Variants in TNPO2 observed in about 807,000 individuals in gnomAD.
TNPO2 encodes the protein transportin 2, also known as transportin-2.
Under a neutral mutation model 111.1 loss-of-function variants are expected in TNPO2, and 16 were observed. That is an observed-to-expected ratio of 0.14 (90% CI 0.10 to 0.22). TNPO2 has a LOEUF of 0.22. TNPO2 is among the 10% of genes least tolerant of loss of function. The probability of loss-of-function intolerance (pLI) is 1.00; values close to 1 mark genes in which losing one functional copy is unlikely to be tolerated. For synonymous variants in TNPO2, 481 were observed against 475.8 expected (o/e 1.01, Z -0.14); for missense variants, 530 against 1,173.7 (o/e 0.45, Z 8.01).
chr19:12,707,479 CTTTTTTTTTT>C (rs56817777), intron 13 of TNPO2, among the ~76,000 whole-genome samples: 37 of 75,016 alleles, frequency 4.9e-4, no homozygotes, highest in Admixed American at 3.0e-3. Context: ...TGTGAGTTTT[CTTTTTTTTTT>C]TTTTTTTTTT....
chr19:12,717,593 C>T (rs1425208121), intron 5 of TNPO2, among the ~76,000 whole-genome samples: 1 of 151,964 alleles, frequency 6.6e-6, no homozygotes, highest in Non-Finnish European at 1.5e-5. Context: ...GTTTCAATGA[C>T]TTAGCAAAGA....
chr19:12,711,246 G>A (rs2026024982), intron 12 of TNPO2, 50 bp downstream of exon 12: 1 of 1,591,912 alleles, frequency 6.3e-7, no homozygotes, highest in Non-Finnish European at 8.6e-7. Context: ...CTCCCAAGAG[G>A]GAGTCCAGGG....
intron 19 of TNPO2, 82 bp from the exon 20 acceptor site, chr19:12,703,608 C>A: frequency 6.4e-7 from 1 of 1,571,932 alleles, no homozygotes; most frequent in Non-Finnish European, 8.7e-7. Flanking sequence ...CCCCATCAGA[C>A]AGTACGAATA....
At position 12,706,498 on chromosome 19, in the gene TNPO2, C is replaced by G; in HGVS notation, c.1496+72G>C. The G allele has an allele frequency of 6.3e-7, 1 of 1,579,738 alleles. No individual in the cohort carries two copies. Among genetic ancestry groups the G allele is most frequent in the Admixed American group, 1.7e-5 (1 of 59,978 alleles). Reference sequence around the variant, plus strand: ...GATAAATCAGTTCCACATCAACAGTCACAGGTGTCATCACTTCCCAGAGGG... The same window carrying G: ...GATAAATCAGTTCCACATCAACAGTGACAGGTGTCATCACTTCCCAGAGGG... On this transcript the variant is annotated intron_variant, in intron 14 of 25. Transcript: ENST00000425528. The surrounding 1 kb of genome is among the most constrained non-coding windows in gnomAD (Gnocchi z 7.0).
In TNPO2 at chr19:12,706,141, A is replaced by G. The variant is rs1459036434; in HGVS notation, c.1668+55T>C. 5 of 1,581,410 alleles carry G rather than the reference A, an allele frequency of 3.2e-6. No individual in the cohort carries two copies. The African/African-American group carries it at 4.0e-5, about 13-fold the overall frequency. Reference sequence around the variant, plus strand: ...TGCAACACGGGGTTGCCACCAGGTCACTGGATGCCCAGGGGCACGGGGATC... The same window carrying G: ...TGCAACACGGGGTTGCCACCAGGTCGCTGGATGCCCAGGGGCACGGGGATC... On this transcript the variant is annotated intron_variant, in intron 15 of 25. Transcript: ENST00000425528. This position sits in a 1 kb window ranked among gnomAD's most constrained non-coding sequence, Gnocchi z 7.0.
chr19:12,714,458 G>A (rs1469751043), intron 10 of TNPO2, among the ~76,000 whole-genome samples: 5 of 151,740 alleles, frequency 3.3e-5, no homozygotes, highest in South Asian at 2.1e-4. Context: ...GACTACAGGC[G>A]CCTGCCACCA....
Position 12,719,156 on chromosome 19 carries a change from A to G in TNPO2, c.198T>C (p.Ser66=), listed in dbSNP as rs1245192531. 1.2e-6 allele frequency: 2 copies of G among 1,613,986 alleles called. No homozygotes were observed. The highest frequency in any genetic ancestry group is 2.2e-5 in the South Asian group (2 of 91,086). ...KSEDEPTRSL[S]GLILKNNVKA... ...TCACGTTGTTCTTGAGGATGAGGCC[A>G]CTGAGAGAGCGCGTTGGCTCATCTG... The change falls in exon 5 of 26, where the codon AGT becomes AGC. Residue 66 remains serine, a synonymous_variant. Transcript: ENST00000425528. The surrounding 1 kb of genome is among the most constrained non-coding windows in gnomAD (Gnocchi z 5.0).
chr19:12,704,309 C>A (rs2025496003), intron 18 of TNPO2, among the ~76,000 whole-genome samples: 1 of 151,576 alleles, frequency 6.6e-6, no homozygotes, highest in Non-Finnish European at 1.5e-5. Flanking sequence ...GTGAAGGTTG[C>A]AGTGAGCCGA....
chr19:12,714,390 A>G (rs6511836), intron 10 of TNPO2, among the ~76,000 whole-genome samples: 23,301 of 148,874 alleles, frequency 0.16, 5,526 homozygotes, highest in African/African-American at 0.52. Flanking sequence ...TTGGCTCACT[A>G]CAACCTCAGC....
chr19:12,703,619 C>T lies in TNPO2; in HGVS notation c.2111-93G>A. ...CAGGCCCCATCAGACAGTACGAATA[C>T]ATCCCAATGTGGTCACAGTCATCCC... On this transcript the variant is annotated intron_variant, in intron 19 of 25. Coordinates refer to ENST00000425528, the MANE Select transcript of TNPO2 (RefSeq NM_001382241.1). The T allele has an allele frequency of 2.5e-6, 4 of 1,570,634 alleles. No individual in the cohort carries two copies. The Admixed American group carries it at 5.0e-5, about 20-fold the overall frequency.
chr19:12,703,318 AC>A (rs1568331564), intron 20 of TNPO2, 109 bp downstream of exon 20: 1 of 965,848 alleles, frequency 1.0e-6, no homozygotes, highest in South Asian at 1.4e-5. Flanking sequence ...ACCCCTGACG[AC>A]CCCCAAGAGA....
chr19:12,703,485 A>G lies in TNPO2; in HGVS notation c.2152T>C (p.Phe718Leu). The change falls in exon 20 of 26, where the codon TTC becomes CTC. Residue 718 changes from phenylalanine (F) to leucine (L), a missense_variant. Transcript: ENST00000425528. ...PILGTNLNPEFISVCNNATWA... is the reference protein window; with the variant it reads ...PILGTNLNPELISVCNNATWA... ...GTGGCGTTGTTGCAGACGGAGATGAACTCTGGGTTCAGGTTGGTGCCCAGA... is the reference window on the plus strand; with the variant it reads ...GTGGCGTTGTTGCAGACGGAGATGAGCTCTGGGTTCAGGTTGGTGCCCAGA... 1 of 1,613,930 alleles carries G rather than the reference A, an allele frequency of 6.2e-7. No individual in the cohort carries two copies. Among genetic ancestry groups the G allele is most frequent in the Non-Finnish European group, 8.5e-7 (1 of 1,179,874 alleles).
At chr19:12,708,202 C>T (rs1174002724) in intron 13 of TNPO2, among the ~76,000 whole-genome samples, 5 of 151,942 alleles carry the variant, frequency 3.3e-5, no homozygotes, top group African/African-American at 1.2e-4. Flanking sequence ...GTGTGATCTC[C>T]ACTCACTGCA....
At chr19:12,710,896 T>G (rs566351684) in intron 12 of TNPO2, 123 bp from the exon 13 acceptor site, 22 of 1,103,334 alleles carry the variant, frequency 2.0e-5, no homozygotes, top group East Asian at 1.1e-4. Flanking sequence ...CTTCTTTTTT[T>G]TTGTTTTGTT....
chr19:12,723,043 G>A (rs1967108538), intron 2 of TNPO2, among the ~76,000 whole-genome samples: 1 of 152,150 alleles, frequency 6.6e-6, no homozygotes, highest in East Asian at 1.9e-4. Context: ...TTATACCCCA[G>A]AGACAAAGGA....
rs1014773995 is a variant in TNPO2 at position 12,719,675 on chromosome 19, T to A, written c.100-339A>T. Among the ~76,000 whole-genome samples the A allele has an allele frequency of 1.3e-5, 2 of 152,044 alleles. No individual in the cohort carries two copies. Among genetic ancestry groups the A allele is most frequent in the African/African-American group, 4.8e-5 (2 of 41,390 alleles). ...TATCCGGGCATGATGTGTGCGTGCC[T>A]CTATTCCCAACTACTTGGGAGGCTG... is the stretch of plus-strand genomic sequence containing the variant. On this transcript the variant is annotated intron_variant, in intron 3 of 25. Transcript: ENST00000425528. The surrounding 1 kb of genome is among the most constrained non-coding windows in gnomAD (Gnocchi z 5.0).
At chr19:12,703,357 A>T in intron 20 of TNPO2, 71 bp downstream of exon 20, 1 of 1,432,362 alleles carries the variant, frequency 7.0e-7, no homozygotes, top group Non-Finnish European at 9.8e-7. Context: ...TGTCAGTCAG[A>T]GCTAGGCTCC....
chr19:12,715,617 A>G lies in TNPO2; in HGVS notation c.432+16T>C. The G allele has an allele frequency of 6.2e-7, 1 of 1,613,762 alleles. No homozygotes were observed. ...CCCCCAGTACTCGCTCTGGCCATCC[A>G]TGGCTTCTTGCCTACCTCACAAGTG... On this transcript the variant is annotated intron_variant, in intron 6 of 25. Coordinates refer to ENST00000425528, the MANE Select transcript of TNPO2 (RefSeq NM_001382241.1). This position sits in a 1 kb window ranked among gnomAD's most constrained non-coding sequence, Gnocchi z 7.1.
Position 12,701,811 on chromosome 19 carries a change from C to A in TNPO2, c.2452G>T (p.Asp818Tyr). 2 of 1,613,852 alleles carry A rather than the reference C, an allele frequency of 1.2e-6. No individual in the cohort carries two copies. Among genetic ancestry groups the A allele is most frequent in the Non-Finnish European group, 1.7e-6 (2 of 1,179,872 alleles). The change falls in exon 23 of 26, where the codon GAC becomes TAC. Residue 818 changes from aspartate (D) to tyrosine (Y), a missense_variant. This residue lies in a region of TNPO2 where 103 missense variants were observed against 156.7 expected (regional missense o/e 0.66). Coordinates refer to ENST00000425528, the MANE Select transcript of TNPO2 (RefSeq NM_001382241.1). This position sits in a 1 kb window ranked among gnomAD's most constrained non-coding sequence, Gnocchi z 5.0. ...LRNIRDNEEK[D>Y]SAFRGICMMI... ...ATGCAGATGCCGCGGAAGGCTGAGT[C>A]CTTCTCCTCGTTGTCCCTGATGTTC...
Sources: gnomAD v4.1 joint callset for allele counts (sites outside exome capture counted in the v4.1 genomes callset) on GRCh38, gnomAD v4.1.1 for gene constraint, gnomAD v4.1.1 regional missense constraint, Gnocchi (gnomAD v3.1) non-coding constraint, MANE v1.5 for transcripts, NCBI Gene and HGNC (gene_info 2026-07-23, HGNC 2026-07-21) for gene names.